The following CTNNA2 variants were observed in gnomAD, a reference collection of about 807,000 sequenced individuals.
The protein encoded by CTNNA2 is catenin alpha 2.
Under a neutral mutation model 101.0 loss-of-function variants are expected in CTNNA2, and 42 were observed. The ratio of observed to expected loss-of-function variants is 0.42; its 90% CI spans 0.32 to 0.54. The LOEUF is 0.54. Among genes scored for constraint, CTNNA2 ranks in the 20% least tolerant of loss-of-function variants. The pLI, the probability that CTNNA2 is intolerant of heterozygous loss-of-function variation, is 0.14. For missense variants in CTNNA2, 871 were observed against 1,223.1 expected (o/e 0.71, Z 4.29); for synonymous variants, 450 against 456.4 (o/e 0.99, Z 0.18).
intron 1 of CTNNA2, among the ~76,000 whole-genome samples, chr2:79,596,530 C>T (rs1440638192): frequency 2.0e-5 from 3 of 152,098 alleles, no homozygotes; most frequent in Admixed American, 2.0e-4. Context: ...CAAGGAATGA[C>T]CAGACAGCAA....
chr2:79,609,414 C>G (rs535195111), intron 1 of CTNNA2, among the ~76,000 whole-genome samples: 8 of 152,096 alleles, frequency 5.3e-5, no homozygotes, highest in African/African-American at 1.9e-4. Flanking sequence ...AATCAAAATT[C>G]CAGTAAGATT....
intron 2 of CTNNA2, among the ~76,000 whole-genome samples, chr2:79,690,187 G>T (rs1037778889): frequency 4.0e-5 from 6 of 151,874 alleles, no homozygotes; most frequent in Non-Finnish European, 5.9e-5. Context: ...AAAGTTAAGT[G>T]CAATTAGAGA....
At chr2:79,850,795 A>T (rs1680644497) in intron 3 of CTNNA2, among the ~76,000 whole-genome samples, 1 of 152,210 alleles carries the variant, frequency 6.6e-6, no homozygotes. Context: ...AAAAGAGTTG[A>T]TACAGGTTAA....
At chr2:79,957,125 C>A (rs1394653643) in intron 7 of CTNNA2, among the ~76,000 whole-genome samples, 1 of 152,076 alleles carries the variant, frequency 6.6e-6, no homozygotes, top group Non-Finnish European at 1.5e-5. Flanking sequence ...GCATCTCATG[C>A]TTTAAAGGCT....
intron 7 of CTNNA2, among the ~76,000 whole-genome samples, chr2:80,199,112 C>T (rs149300330): frequency 5.0e-4 from 63 of 126,734 alleles, no homozygotes; most frequent in African/African-American, 1.7e-3. Flanking sequence ...ACCCAGGAGG[C>T]GGAGGTTGCA....
At chr2:79,695,316 A>G (rs895563410) in intron 2 of CTNNA2, among the ~76,000 whole-genome samples, 4 of 151,968 alleles carry the variant, frequency 2.6e-5, no homozygotes, top group African/African-American at 4.8e-5. Flanking sequence ...TTTCATTTAA[A>G]GTAGAAGAGG....
intron 7 of CTNNA2, among the ~76,000 whole-genome samples, chr2:80,008,653 G>T (rs1166432214): frequency 3.9e-5 from 6 of 152,130 alleles, no homozygotes; most frequent in African/African-American, 1.4e-4. Flanking sequence ...AGACTGCCTG[G>T]GTTTGTATCC....
At chr2:80,570,462 A>G (rs1003981619) in intron 12 of CTNNA2, among the ~76,000 whole-genome samples, 3 of 152,190 alleles carry the variant, frequency 2.0e-5, no homozygotes, top group Non-Finnish European at 2.9e-5. Context: ...CCCTAAATAA[A>G]TATTGAACTG....
At chr2:79,689,807 T>A (rs1390748815) in intron 2 of CTNNA2, among the ~76,000 whole-genome samples, 1 of 151,962 alleles carries the variant, frequency 6.6e-6, no homozygotes, top group African/African-American at 2.4e-5. Context: ...ATCCTAGAAT[T>A]GAAAGTTATA....
chr2:79,714,418 C>A (rs1685939164), intron 2 of CTNNA2, among the ~76,000 whole-genome samples: 1 of 152,066 alleles, frequency 6.6e-6, no homozygotes. Context: ...GTTTGTCTTC[C>A]TGATCTCAAT....
At chr2:80,570,955 C>A (rs1366096870) in intron 12 of CTNNA2, among the ~76,000 whole-genome samples, 1 of 152,054 alleles carries the variant, frequency 6.6e-6, no homozygotes, top group Non-Finnish European at 1.5e-5. Context: ...CTATGAAGTC[C>A]ATTTAGGTTT....
intron 3 of CTNNA2, among the ~76,000 whole-genome samples, chr2:79,824,748 G>C (rs1678283532): frequency 6.6e-6 from 1 of 152,116 alleles, no homozygotes; most frequent in African/African-American, 2.4e-5. Flanking sequence ...TCAATATGAT[G>C]CACTGAGATG....
chr2:80,444,515 G>C (rs1388841211), intron 9 of CTNNA2, among the ~76,000 whole-genome samples: 1 of 152,062 alleles, frequency 6.6e-6, no homozygotes, highest in African/African-American at 2.4e-5. Context: ...TTCTCCTGGG[G>C]ACTGTCCTAT....
intron 7 of CTNNA2, among the ~76,000 whole-genome samples, chr2:80,335,817 T>C (rs1671723348): frequency 6.6e-6 from 1 of 152,208 alleles, no homozygotes; most frequent in Non-Finnish European, 1.5e-5. Flanking sequence ...TATTTGTTTC[T>C]GAAAATAATA....
rs543580860 is a variant in CTNNA2 at position 79,956,048 on chromosome 2, T to A, written c.1056+46251T>A. ...GTTTATGCTTAAACTGCTGCATAGA[T>A]TTAGGCTAATGACTGAATACAAAAA... On this transcript the variant is annotated intron_variant, in intron 7 of 18. Transcript: ENST00000402739. Among the ~76,000 whole-genome samples the A allele has an allele frequency of 4.1e-4, 62 of 152,314 alleles. No homozygotes were observed. In the South Asian group the frequency reaches 0.012, roughly 29 times the overall value.
intron 4 of CTNNA2, among the ~76,000 whole-genome samples, chr2:79,429,079 C>CTTGT (rs1414292000): frequency 6.6e-6 from 1 of 152,146 alleles, no homozygotes; most frequent in Non-Finnish European, 1.5e-5. Flanking sequence ...TCCATGTCTC[C>CTTGT]TTGTTTATTT....
chr2:79,587,511 G>T (rs1444431553), intron 1 of CTNNA2, among the ~76,000 whole-genome samples: 1 of 151,922 alleles, frequency 6.6e-6, no homozygotes, highest in Non-Finnish European at 1.5e-5. Flanking sequence ...CCCTTTCCTG[G>T]CCTCTTTCTG....
At chr2:80,162,963 A>C in intron 7 of CTNNA2, 2 of 1,538,518 alleles carry the variant, frequency 1.3e-6, no homozygotes, top group African/African-American at 2.7e-5. Flanking sequence ...TGGCAAACTG[A>C]CATCTTGCGA....
intron 2 of CTNNA2, among the ~76,000 whole-genome samples, chr2:79,708,166 C>T (rs75340057): frequency 0.021 from 3,216 of 152,242 alleles, 91 homozygotes; most frequent in African/African-American, 0.074. Context: ...TGATTTCTCA[C>T]GGCGTGCTTA....
Sources: gnomAD v4.1 joint callset for allele counts (sites outside exome capture counted in the v4.1 genomes callset) on GRCh38, gnomAD v4.1.1 for gene constraint, MANE v1.5 for transcripts, NCBI Gene and HGNC (gene_info 2026-07-23, HGNC 2026-07-21) for gene names.